CDH13: variants seen among roughly 807,000 people sequenced by gnomAD.
The protein encoded by CDH13 is cadherin-13.
CDH13 carries 24 observed loss-of-function variants against 63.8 expected under a neutral mutation model. The ratio of observed to expected loss-of-function variants is 0.38; its 90% CI spans 0.27 to 0.53. The LOEUF (loss-of-function observed/expected upper bound fraction) is 0.53, where lower values mean the gene tolerates loss of function less well. Ranked by LOEUF, CDH13 falls within the 20% of genes least tolerant of loss-of-function variation. CDH13 has a pLI of 0.85. For synonymous variants in CDH13, 503 were observed against 355.3 expected, an observed-to-expected ratio of 1.42 and a Z score of -4.67; for missense variants, 1,049 against 903.1, an observed-to-expected ratio of 1.16 and a Z score of -2.07.
intron 5 of CDH13, among the ~76,000 whole-genome samples, chr16:83,252,310 CTTTAAG>C (rs1250959332): frequency 1.5e-5 from 2 of 134,446 alleles, no homozygotes; most frequent in Non-Finnish European, 3.2e-5. Flanking sequence ...TTTTATTATA[CTTTAAG>C]TTTTAGGGTA....
intron 6 of CDH13, among the ~76,000 whole-genome samples, chr16:83,454,573 A>G (rs902922878): frequency 4.6e-5 from 7 of 152,154 alleles, no homozygotes; most frequent in Non-Finnish European, 8.8e-5. Context: ...ATGACTGTGT[A>G]ATGGTCCATC....
At chr16:82,863,076 G>A (rs1214679714) in intron 2 of CDH13, among the ~76,000 whole-genome samples, 1 of 152,176 alleles carries the variant, frequency 6.6e-6, no homozygotes, top group Non-Finnish European at 1.5e-5. Context: ...AAACGTAGAA[G>A]AACACATGGG....
chr16:82,651,273 G>A (rs1475771637), intron 1 of CDH13, among the ~76,000 whole-genome samples: 1 of 152,212 alleles, frequency 6.6e-6, no homozygotes, highest in African/African-American at 2.4e-5. Flanking sequence ...CACATGTGAT[G>A]TCTAATTAAA....
intron 4 of CDH13, among the ~76,000 whole-genome samples, chr16:83,140,213 A>G (rs2036469911): frequency 5.9e-5 from 9 of 152,194 alleles, no homozygotes; most frequent in Admixed American, 5.9e-4. Flanking sequence ...GCCCAGCTCC[A>G]TGGCCGGCCC....
intron 5 of CDH13, among the ~76,000 whole-genome samples, chr16:83,326,569 A>G (rs904743071): frequency 2.0e-5 from 3 of 152,134 alleles, no homozygotes; most frequent in Non-Finnish European, 4.4e-5. Flanking sequence ...GAGATGACTC[A>G]TAAATTATCA....
At chr16:83,440,014 C>G (rs959908721) in intron 6 of CDH13, among the ~76,000 whole-genome samples, 1 of 152,074 alleles carries the variant, frequency 6.6e-6, no homozygotes, top group Admixed American at 6.5e-5. Flanking sequence ...AGAGGGTGGA[C>G]CCACGGTGTC....
At chr16:83,313,270 AGGTGCATT>A (rs1437474469) in intron 5 of CDH13, among the ~76,000 whole-genome samples, 1 of 152,208 alleles carries the variant, frequency 6.6e-6, no homozygotes, top group Non-Finnish European at 1.5e-5. Flanking sequence ...ATATTTTGAA[AGGTGCATT>A]GGTGACTTGA....
intron 8 of CDH13, among the ~76,000 whole-genome samples, chr16:83,603,154 G>C (rs1567798572): frequency 6.6e-6 from 1 of 152,198 alleles, no homozygotes; most frequent in Admixed American, 6.5e-5. Flanking sequence ...CGATGTTTGG[G>C]GAAGGGCTGA....
At chr16:82,772,068 A>T (rs924888865) in intron 1 of CDH13, among the ~76,000 whole-genome samples, 1 of 152,236 alleles carries the variant, frequency 6.6e-6, no homozygotes, top group African/African-American at 2.4e-5. Context: ...AAAAAGACAC[A>T]GATGCCCTTG....
At chr16:83,080,871 G>GTTTTTTTTTTTGTT (rs2033185148) in intron 3 of CDH13, among the ~76,000 whole-genome samples, 24 of 46,946 alleles carry the variant, frequency 5.1e-4, no homozygotes, top group Non-Finnish European at 6.7e-4. Flanking sequence ...TTGTTTTTGT[G>GTTTTTTTTTTTGTT]TTTTTTTTTT....
At chr16:82,916,978 C>G (rs187042103) in intron 2 of CDH13, among the ~76,000 whole-genome samples, 1 of 152,118 alleles carries the variant, frequency 6.6e-6, no homozygotes, top group African/African-American at 2.4e-5. Flanking sequence ...AGGATATTCC[C>G]GCATCCACAC....
chr16:83,107,876 T>C (rs112404376), intron 3 of CDH13, among the ~76,000 whole-genome samples: 15,089 of 151,872 alleles, frequency 0.099, 850 homozygotes, highest in African/African-American at 0.15. Flanking sequence ...CTGGAGTGCA[T>C]TGGTGTGATC....
rs75406714 is a variant in CDH13 at position 83,260,727 on chromosome 16, G to C, written c.636+43230G>C. 9.3e-3 allele frequency among the ~76,000 whole-genome samples: 1,416 copies of C among 152,206 alleles called. 21 individuals are homozygous for C. Among genetic ancestry groups the C allele is most frequent in the African/African-American group, 0.033 (1,362 of 41,522 alleles). ...TCCACCGACAGCCCCATCCAGTAATGCCTCCTTTCTCCTTCAAGGGCATCT... is the reference window on the plus strand; with the variant it reads ...TCCACCGACAGCCCCATCCAGTAATCCCTCCTTTCTCCTTCAAGGGCATCT... On this transcript the variant is annotated intron_variant, in intron 5 of 13. Coordinates refer to ENST00000567109, the MANE Select transcript of CDH13 (RefSeq NM_001257.5).
intron 4 of CDH13, among the ~76,000 whole-genome samples, chr16:83,176,722 A>G (rs1034880067): frequency 6.6e-6 from 1 of 152,006 alleles, no homozygotes; most frequent in African/African-American, 2.4e-5. Flanking sequence ...GTGGGTATAT[A>G]TTATTAAAGT....
rs141940027 is a variant in CDH13 at position 82,760,001 on chromosome 16, A to G, written c.46-98361A>G. 3.5e-3 allele frequency among the ~76,000 whole-genome samples: 532 copies of G among 152,270 alleles called. 4 individuals carry two copies. The highest frequency in any genetic ancestry group is 0.012 in the African/African-American group (493 of 41,508). On this transcript the variant is annotated intron_variant, in intron 1 of 13. Coordinates refer to ENST00000567109, the MANE Select transcript of CDH13 (RefSeq NM_001257.5). ...CACACCAGGTTTAAAAATTATGATT[A>G]TAATTATTATTTGCAATAATTATGT...
At chr16:83,652,429 C>T (rs1230317844) in intron 8 of CDH13, among the ~76,000 whole-genome samples, 2 of 152,152 alleles carry the variant, frequency 1.3e-5, no homozygotes, top group Non-Finnish European at 2.9e-5. Flanking sequence ...CTGTGAGTGC[C>T]ATGCTGGGGG....
At chr16:83,001,946 C>T (rs1469851249) in intron 2 of CDH13, among the ~76,000 whole-genome samples, 1 of 151,964 alleles carries the variant, frequency 6.6e-6, no homozygotes, top group African/African-American at 2.4e-5. Context: ...AAAGGGAAGA[C>T]AAAAAAGGAG....
chr16:82,820,526 C>G (rs2037954719), intron 1 of CDH13, among the ~76,000 whole-genome samples: 1 of 152,146 alleles, frequency 6.6e-6, no homozygotes, highest in Admixed American at 6.5e-5. Context: ...ACACAGGCAT[C>G]CTGCTTCTGG....
At chr16:82,964,229 A>G (rs547216457) in intron 2 of CDH13, among the ~76,000 whole-genome samples, 1 of 152,336 alleles carries the variant, frequency 6.6e-6, no homozygotes, top group East Asian at 1.9e-4. Flanking sequence ...AGGCTGATGT[A>G]ATTTCCTTGA....
Sources: allele counts gnomAD v4.1 joint callset (sites outside exome capture counted in the v4.1 genomes callset), GRCh38; gene constraint gnomAD v4.1.1; transcripts MANE v1.5; gene names NCBI Gene and HGNC (gene_info 2026-07-23, HGNC 2026-07-21).